The following FBXO27 variants were observed in gnomAD, a reference collection of about 807,000 sequenced individuals.
FBXO27 encodes F-box protein 27, also known as F-box only protein 27.
In FBXO27, 28 loss-of-function variants were observed where a neutral mutation model predicts 28.3. The observed-to-expected ratio is 0.99, with a 90% CI of 0.73 to 1.36. The LOEUF (loss-of-function observed/expected upper bound fraction) is 1.36. Among genes scored for constraint, FBXO27 ranks in the 40% most tolerant of loss-of-function variants. FBXO27 has a pLI of 0.00. For missense variants in FBXO27, 388 were observed against 394.1 expected, an observed-to-expected ratio of 0.98 and a Z score of 0.13; for synonymous variants, 175 against 167.3, an observed-to-expected ratio of 1.05 and a Z score of -0.36.
intron 2 of FBXO27, among the ~76,000 whole-genome samples, chr19:39,013,786 G>C (rs972269881): frequency 6.6e-6 from 1 of 151,878 alleles, no homozygotes; most frequent in African/African-American, 2.4e-5. Context: ...GGCCAAGGCA[G>C]GCGGATCACG....
chr19:39,018,120 A>G (rs2072828380), intron 1 of FBXO27, among the ~76,000 whole-genome samples: 1 of 151,556 alleles, frequency 6.6e-6, no homozygotes, highest in African/African-American at 2.4e-5. Context: ...AACTGGGCTT[A>G]CAGGTGCCCG....
chr19:39,007,151 C>G (rs1055486253), intron 2 of FBXO27, among the ~76,000 whole-genome samples: 4 of 150,852 alleles, frequency 2.7e-5, no homozygotes, highest in Middle Eastern at 3.5e-3. Flanking sequence ...TTTTAGGGAA[C>G]CCCAGGCAGG....
Position 39,009,805 on chromosome 19 carries a change from G to T in FBXO27, c.252+4582C>A, listed in dbSNP as rs374561344. Among the ~76,000 whole-genome samples, 440 of 151,308 alleles carry T rather than the reference G, an allele frequency of 2.9e-3. 2 individuals are homozygous for T. The highest frequency in any genetic ancestry group is 9.9e-3 in the African/African-American group (406 of 41,184). ...CAAAAGTTGTGGGGTTTTTTTTTTT[G>T]TTGTTGTTGTTTGTTTGTTTTTGAG... On this transcript the variant is annotated intron_variant, in intron 2 of 2. Transcript: ENST00000598394.
chr19:39,016,677 C>T (rs2072821819), intron 1 of FBXO27, among the ~76,000 whole-genome samples: 1 of 148,976 alleles, frequency 6.7e-6, no homozygotes, highest in African/African-American at 2.5e-5. Flanking sequence ...TCCAGCTACT[C>T]AAGAAGCTGA....
intron 5 of FBXO27, 55 bp from the exon 6 acceptor site, chr19:39,025,609 T>C: frequency 6.4e-7 from 1 of 1,574,760 alleles, no homozygotes; most frequent in Non-Finnish European, 8.6e-7. Flanking sequence ...CCTCCAAAGC[T>C]GAGGTTAGGG....
chr19:39,031,695 T>TCC (rs2144907241), intron 2 of FBXO27, among the ~76,000 whole-genome samples, 169 bp downstream of exon 2: 1 of 145,658 alleles, frequency 6.9e-6, no homozygotes, highest in Non-Finnish European at 1.5e-5. Context: ...CTCCGGCACC[T>TCC]CACACCGGCT....
At chr19:39,012,092 C>T (rs2072797636) in intron 2 of FBXO27, among the ~76,000 whole-genome samples, 1 of 151,886 alleles carries the variant, frequency 6.6e-6, no homozygotes, top group Admixed American at 6.6e-5. Flanking sequence ...CTCGGCCTCC[C>T]AAAGTACTGG....
rs377322565 is a variant in FBXO27, at chr19:39,031,870, C to T, written c.358G>A (p.Gly120Ser). 3 of 1,481,412 alleles carry T rather than the reference C, an allele frequency of 2.0e-6. No homozygotes were observed. Among genetic ancestry groups the T allele is most frequent in the Middle Eastern group, 2.1e-4 (1 of 4,700 alleles). The allele number at this position is 1,481,412 out of a possible 1,614,324, so 91.8% of individuals were successfully genotyped here. ...TCCTCTTCCGAGATCCCACCTTGGC[C>T]GCAGGGGTTGCGAATAAGGTTGCGT... ...IGRNLIRNPC[G>S]QEGLRKWMVQ... is the part of the protein sequence containing the mutation. The change falls in exon 2 of 6, where the codon GGC (glycine) becomes AGC (serine). Residue 120 changes from glycine to serine, a missense_variant. Transcript: ENST00000292853.
In FBXO27 at chr19:39,031,925, C is replaced by A; in HGVS notation, c.303G>T (p.Leu101=). Reference sequence around the variant, plus strand: ...TGGGTCTGCGCGCGCAGAAGCGGCCCAGGGGGCAAGGCCTGGCGTTACGGG... The same window carrying A: ...TGGGTCTGCGCGCGCAGAAGCGGCCAAGGGGGCAAGGCCTGGCGTTACGGG... ...SPARNARPCP[L]GRFCARRPIG... is the part of the protein sequence containing the mutation. The change falls in exon 2 of 6, where the codon CTG becomes CTT. Residue 101 remains leucine, a synonymous_variant. Transcript: ENST00000292853. 6.6e-7 allele frequency: 1 copy of A among 1,511,828 alleles called. No individual in the cohort carries two copies. Among genetic ancestry groups the A allele is most frequent in the South Asian group, 1.3e-5 (1 of 77,858 alleles). 93.7% of individuals were successfully genotyped at this position (1,511,828 alleles called of 1,614,324 possible).
At position 39,032,260 on chromosome 19, in the gene FBXO27, G is replaced by T. The variant is rs939521804; in HGVS notation, c.-26-7C>A. ...CCGCCAGGCCCGGCTGTGGCTGCGG[G>T]AGAGGAAGGGTCAAGGCGTCAGGGA... is the stretch of plus-strand genomic sequence containing the variant. On this transcript the variant is annotated splice_region_variant and splice_polypyrimidine_tract_variant and intron_variant, in intron 1 of 5. Transcript: ENST00000292853. The surrounding 1 kb of genome is among the most constrained non-coding windows in gnomAD (Gnocchi z 4.7). The T allele has an allele frequency of 1.4e-6, 2 of 1,413,774 alleles. No homozygotes were observed. The highest frequency in any genetic ancestry group is 1.6e-5 in the South Asian group (1 of 64,064). The allele number at this position is 1,413,774 out of a possible 1,614,324, so 87.6% of individuals were successfully genotyped here. A position where few individuals can be genotyped will look rare whatever the true frequency, so the allele number is the denominator to read the frequency against.
At chr19:39,013,879 G>C (rs945788226) in intron 2 of FBXO27, among the ~76,000 whole-genome samples, 4 of 151,910 alleles carry the variant, frequency 2.6e-5, no homozygotes, top group Non-Finnish European at 5.9e-5. Context: ...CGGGTGTGGT[G>C]GTGGGCGCCT....
downstream of FBXO27, among the ~76,000 whole-genome samples, chr19:39,022,382 T>A (rs2072849929): frequency 6.6e-6 from 1 of 151,696 alleles, no homozygotes; most frequent in South Asian, 2.1e-4. Flanking sequence ...CTCAAGCAAT[T>A]CTCCTGCCTA....
At chr19:39,012,568 T>C (rs568245495) in intron 2 of FBXO27, among the ~76,000 whole-genome samples, 1 of 152,352 alleles carries the variant, frequency 6.6e-6, no homozygotes, top group African/African-American at 2.4e-5. Flanking sequence ...GAAACATTTT[T>C]ATACAAGTTG....
chr19:39,030,889 T>C, intron 4 of FBXO27, 140 bp downstream of exon 4: 1 of 754,964 alleles, frequency 1.3e-6, no homozygotes, highest in Non-Finnish European at 2.3e-6. Flanking sequence ...ATTATAGGTG[T>C]GAGCCACCAT....
Position 39,031,222 on chromosome 19 carries a change from C to G in FBXO27, c.463G>C (p.Val155Leu). The change falls in exon 3 of 6, where the codon GTG becomes CTG. Residue 155 changes from valine to leucine, a missense_variant. Physicochemically the swap from Val to Leu is conservative, Grantham distance 32. Transcript: ENST00000292853. ...AGGGGCATTCACCTGAATGAAGTCA[C>G]GAAGCACGTCTGAGAAGGGGCCCCA... Reference protein sequence around the residue: ...VPGAPSQTCFVTSFSWCCKKQ... With the variant: ...VPGAPSQTCFLTSFSWCCKKQ... The G allele has an allele frequency of 6.2e-7, 1 of 1,614,138 alleles. No individual in the cohort carries two copies. Among genetic ancestry groups the G allele is most frequent in the Non-Finnish European group, 8.5e-7 (1 of 1,180,026 alleles).
In FBXO27 at chr19:39,025,522, G is replaced by C; in HGVS notation, c.741C>G (p.Gly247=). The C allele has an allele frequency of 6.2e-7, 1 of 1,614,074 alleles. No individual in the cohort carries two copies. The highest frequency in any genetic ancestry group is 1.3e-5 in the African/African-American group (1 of 75,044). The change falls in exon 6 of 6, where the codon GGC becomes GGG. Residue 247 remains glycine, a synonymous_variant. Coordinates refer to ENST00000292853, the MANE Select transcript of FBXO27 (RefSeq NM_178820.5). The part of the protein sequence containing the change: ...VTHVFSNIKM[G]VRFVSFEHRG... The stretch of plus-strand genomic sequence containing the variant: ...GGTGTTCGAAAGACACAAAGCGGAC[G>C]CCCATCTTGATGTTGGAGAACACGT...
At position 39,032,260 on chromosome 19, in the gene FBXO27, G is replaced by A; in HGVS notation, c.-26-7C>T. 1.4e-6 allele frequency: 2 copies of A among 1,413,774 alleles called. No homozygotes were observed. The highest frequency in any genetic ancestry group is 1.8e-6 in the Non-Finnish European group (2 of 1,093,266). 87.6% of individuals were successfully genotyped at this position (1,413,774 alleles called of 1,614,324 possible). A position where few individuals can be genotyped will look rare whatever the true frequency, so the allele number is the denominator to read the frequency against. ...CCGCCAGGCCCGGCTGTGGCTGCGG[G>A]AGAGGAAGGGTCAAGGCGTCAGGGA... On this transcript the variant is annotated splice_region_variant and splice_polypyrimidine_tract_variant and intron_variant, in intron 1 of 5. Transcript: ENST00000292853. The surrounding 1 kb of genome is among the most constrained non-coding windows in gnomAD (Gnocchi z 4.7).
chr19:39,029,358 TA>T (rs1350784746), intron 4 of FBXO27, among the ~76,000 whole-genome samples: 2 of 145,272 alleles, frequency 1.4e-5, no homozygotes, highest in African/African-American at 5.1e-5. Flanking sequence ...ATCTGGGAGG[TA>T]GAGGTTGCAG....
At position 39,032,197 on chromosome 19, in the gene FBXO27, C is replaced by A; in HGVS notation, c.31G>T (p.Ala11Ser). The change falls in exon 2 of 6, where the codon GCC becomes TCC. Residue 11 changes from alanine (A) to serine (S), a missense_variant. Physicochemically the swap from Ala to Ser is moderately conservative, Grantham distance 99. Transcript: ENST00000292853. The surrounding 1 kb of genome is among the most constrained non-coding windows in gnomAD (Gnocchi z 4.7). ...TCCGGCTCCGGCGCGGGGACCCGGG[C>A]GGCCCGGCCCCTGGAGACCGAGGCG... Reference protein sequence around the residue: MGASVSRGRAARVPAPEPEPE... With the variant: MGASVSRGRASRVPAPEPEPE... The A allele has an allele frequency of 6.8e-7, 1 of 1,478,514 alleles. No individual in the cohort carries two copies. Among genetic ancestry groups the A allele is most frequent in the South Asian group, 1.3e-5 (1 of 74,906 alleles). The allele number at this position is 1,478,514 out of a possible 1,614,324, so 91.6% of individuals were successfully genotyped here.
Sources: gnomAD v4.1 joint callset for allele counts (sites outside exome capture counted in the v4.1 genomes callset) on GRCh38, gnomAD v4.1.1 for gene constraint, Gnocchi (gnomAD v3.1) non-coding constraint, MANE v1.5 for transcripts, NCBI Gene and HGNC (gene_info 2026-07-23, HGNC 2026-07-21) for gene names.